The following LEMD1 variants were observed in gnomAD, a reference collection of about 807,000 sequenced individuals.
LEMD1 encodes the protein LEM domain containing 1.
A neutral mutation model predicts 17.4 loss-of-function variants in LEMD1; 18 were observed. That is an observed-to-expected ratio of 1.04 (90% CI 0.72 to 1.54). LEMD1 has a LOEUF of 1.54. Ranked by LOEUF, LEMD1 falls within the 40% of genes most tolerant of loss-of-function variation. The pLI is 0.00. For missense variants in LEMD1, 195 were observed against 210.4 expected (o/e 0.93, Z 0.45); for synonymous variants, 88 against 77.8 (o/e 1.13, Z -0.69).
At chr1:205,424,124 T>C (rs948146373), upstream of LEMD1, among the ~76,000 whole-genome samples, 2 of 152,220 alleles carry the variant, frequency 1.3e-5, no homozygotes, top group Non-Finnish European at 2.9e-5. Context: ...GGGGAGAAGA[T>C]AGTAGATTTG....
chr1:205,430,942 G>C (rs940841317), intron 1 of LEMD1, among the ~76,000 whole-genome samples: 1 of 152,156 alleles, frequency 6.6e-6, no homozygotes, highest in African/African-American at 2.4e-5. Flanking sequence ...CTCACCCCTC[G>C]CTCCCTACCC....
At chr1:205,420,622 G>T in intron 1 of LEMD1, 48 bp from the exon 2 acceptor site, 2 of 996,982 alleles carry the variant, frequency 2.0e-6, no homozygotes, top group Non-Finnish European at 3.2e-6. Flanking sequence ...TTACCAATAA[G>T]TACTAAAATG....
chr1:205,407,341 A>G (rs1665164575), intron 4 of LEMD1, among the ~76,000 whole-genome samples: 1 of 151,778 alleles, frequency 6.6e-6, no homozygotes, highest in Non-Finnish European at 1.5e-5. Context: ...AAAAAAAAAA[A>G]AAAAAAAAGG....
At chr1:205,405,271 TCTC>T (rs1476738991) in intron 4 of LEMD1, among the ~76,000 whole-genome samples, 6 of 150,784 alleles carry the variant, frequency 4.0e-5, no homozygotes, top group African/African-American at 1.2e-4. Context: ...TTGGGGAAGT[TCTC>T]CTGGATAATA....
intron 1 of LEMD1, among the ~76,000 whole-genome samples, chr1:205,430,739 C>T (rs1368206875): frequency 2.0e-5 from 3 of 152,226 alleles, no homozygotes; most frequent in Non-Finnish European, 2.9e-5. Context: ...CCCAAGCAGC[C>T]GGCGAGGCGC....
At position 205,448,294 on chromosome 1, in the gene LEMD1, CAGG is replaced by C. The variant is rs768590759; in HGVS notation, c.-39+1571_-39+1573del. 30 of 527,208 alleles carry C rather than the reference CAGG, an allele frequency of 5.7e-5. No homozygotes were observed. The highest frequency in any genetic ancestry group is 9.4e-5 in the Non-Finnish European group (24 of 254,132). The allele number at this position is 527,208 out of a possible 1,614,324, so 32.7% of individuals were successfully genotyped here. A position where few individuals can be genotyped will look rare whatever the true frequency, so the allele number is the denominator to read the frequency against. Reference sequence around the variant, plus strand: ...TGGTCCCATGGGAGGTGCAGCTGCGCAGGAGAAGGAGCTCGCCCCTCACTGTAG... The same window carrying C: ...TGGTCCCATGGGAGGTGCAGCTGCGCAGAAGGAGCTCGCCCCTCACTGTAG... On this transcript the variant is annotated intron_variant, in intron 1 of 3. Coordinates refer to the LEMD1 transcript ENST00000367154. The surrounding 1 kb of genome is among the most constrained non-coding windows in gnomAD (Gnocchi z 4.7).
Position 205,416,309 on chromosome 1 carries a change from A to C in LEMD1, c.206-13T>G. The C allele has an allele frequency of 6.6e-7, 1 of 1,526,398 alleles. No individual in the cohort carries two copies. The allele number at this position is 1,526,398 out of a possible 1,614,324, so 94.6% of individuals were successfully genotyped here. A position where few individuals can be genotyped will look rare whatever the true frequency, so the allele number is the denominator to read the frequency against. On this transcript the variant is annotated splice_polypyrimidine_tract_variant and intron_variant, in intron 3 of 5. Transcript: ENST00000367153. The stretch of plus-strand genomic sequence containing the variant: ...ATGATATTAAGCTCTGGATCATGGG[A>C]AACAAAAGGAAAATAGGCCATGAGA...
intron 1 of LEMD1, among the ~76,000 whole-genome samples, chr1:205,446,378 A>C (rs1666389662): frequency 6.6e-6 from 1 of 152,080 alleles, no homozygotes; most frequent in Non-Finnish European, 1.5e-5. Context: ...TACCTCTTTT[A>C]CCCCATCCAT....
At chr1:205,397,507 T>G (rs1664647353) in intron 4 of LEMD1, among the ~76,000 whole-genome samples, 1 of 152,180 alleles carries the variant, frequency 6.6e-6, no homozygotes, top group Admixed American at 6.5e-5. Context: ...TGCTCAGAAG[T>G]CTGAGCCCAG....
At chr1:205,408,646 C>T (rs1665240720) in intron 4 of LEMD1, among the ~76,000 whole-genome samples, 1 of 151,794 alleles carries the variant, frequency 6.6e-6, no homozygotes, top group Non-Finnish European at 1.5e-5. Flanking sequence ...CACAGGTGCA[C>T]ACCACCATGC....
At chr1:205,388,274 T>G (rs1664140092) in intron 4 of LEMD1, among the ~76,000 whole-genome samples, 1 of 152,104 alleles carries the variant, frequency 6.6e-6, no homozygotes, top group Non-Finnish European at 1.5e-5. Context: ...CTCGGCTCAC[T>G]GCAATCGCCG....
intron 1 of LEMD1, among the ~76,000 whole-genome samples, chr1:205,433,739 C>T (rs1212955186): frequency 1.3e-5 from 2 of 152,216 alleles, no homozygotes; most frequent in Non-Finnish European, 2.9e-5. Context: ...ACTTAACAAA[C>T]ACTTAGTGAG....
chr1:205,423,609 A>G (rs1022633098), upstream of LEMD1, among the ~76,000 whole-genome samples: 7 of 152,254 alleles, frequency 4.6e-5, no homozygotes, highest in Non-Finnish European at 1.0e-4. Context: ...TGTGCAAACT[A>G]TTCTGCTTGA....
chr1:205,427,156 A>C (rs937323843), intron 1 of LEMD1, among the ~76,000 whole-genome samples: 2 of 152,222 alleles, frequency 1.3e-5, no homozygotes. Context: ...ACATCTGTGA[A>C]ATGGAAATGT....
chr1:205,396,627 C>T (rs1374607487), intron 4 of LEMD1, among the ~76,000 whole-genome samples: 1 of 152,140 alleles, frequency 6.6e-6, no homozygotes, highest in Admixed American at 6.6e-5. Flanking sequence ...ACTAAAGCTA[C>T]CAATAATGAC....
At chr1:205,420,807 A>T (rs1229095158) in intron 1 of LEMD1, among the ~76,000 whole-genome samples, 1 of 152,232 alleles carries the variant, frequency 6.6e-6, no homozygotes, top group African/African-American at 2.4e-5. Flanking sequence ...GGGCTCAATT[A>T]GTTACAACTG....
intron 1 of LEMD1, among the ~76,000 whole-genome samples, chr1:205,444,003 A>C (rs1261898717): frequency 6.6e-6 from 1 of 152,112 alleles, no homozygotes; most frequent in East Asian, 1.9e-4. Flanking sequence ...AGAGGGCTCC[A>C]GTACCAGCTG....
intron 1 of LEMD1, among the ~76,000 whole-genome samples, chr1:205,429,698 TCTC>T (rs1357610874): frequency 6.6e-6 from 1 of 151,868 alleles, no homozygotes; most frequent in Non-Finnish European, 1.5e-5. Context: ...ACTCCTCTAC[TCTC>T]CTTAGCATGC....
chr1:205,397,909 G>A (rs1664666048), intron 4 of LEMD1, among the ~76,000 whole-genome samples: 1 of 152,126 alleles, frequency 6.6e-6, no homozygotes. Context: ...ATGAAAATAA[G>A]TAAGTTTACC....
Sources: allele counts gnomAD v4.1 joint callset (sites outside exome capture counted in the v4.1 genomes callset), GRCh38; gene constraint gnomAD v4.1.1; non-coding constraint Gnocchi (gnomAD v3.1); transcripts MANE v1.5; gene names NCBI Gene and HGNC (gene_info 2026-07-23, HGNC 2026-07-21).